Variants in METTL2A observed in about 807,000 individuals in gnomAD.
METTL2A encodes the protein methyltransferase 2A, tRNA N3-cytidine.
A neutral mutation model predicts 49.4 loss-of-function variants in METTL2A; 45 were observed. The ratio of observed to expected loss-of-function variants is 0.91; its 90% CI spans 0.72 to 1.17. The LOEUF is 1.17. METTL2A is among the 50% of genes most tolerant of loss of function. The pLI is 0.00. For missense variants in METTL2A, 361 were observed against 462.2 expected (o/e 0.78, Z 2.01); for synonymous variants, 118 against 167.5 (o/e 0.70, Z 2.28).
intron 7 of METTL2A, among the ~76,000 whole-genome samples, chr17:62,447,231 C>T (rs1455475898): frequency 2.6e-5 from 4 of 152,110 alleles, no homozygotes; most frequent in African/African-American, 4.8e-5. Flanking sequence ...CCAGCCTGGC[C>T]AACATGGTGA....
At chr17:62,440,077 G>A (rs1384170781) in intron 5 of METTL2A, among the ~76,000 whole-genome samples, 1 of 150,514 alleles carries the variant, frequency 6.6e-6, no homozygotes, top group African/African-American at 2.5e-5. Flanking sequence ...CCAGGCTGGA[G>A]TGCAATGGTG....
intron 8 of METTL2A, 147 bp from the exon 9 acceptor site, chr17:62,448,428 C>T: frequency 6.9e-7 from 1 of 1,454,384 alleles, no homozygotes; most frequent in Non-Finnish European, 9.1e-7. Context: ...CTTACTGTTA[C>T]CAAGCCACCA....
rs2070807390 is a variant in METTL2A at position 62,451,800 on chromosome 17, G to C, written c.*3071G>C. 6.6e-6 allele frequency among the ~76,000 whole-genome samples: 1 copy of C among 151,474 alleles called. No homozygotes were observed. Among genetic ancestry groups the C allele is most frequent in the Admixed American group, 6.6e-5 (1 of 15,136 alleles). On this transcript the variant is annotated 3_prime_UTR_variant, in exon 9 of 9. Coordinates refer to ENST00000311506, the MANE Select transcript of METTL2A (RefSeq NM_181725.4). ...ATCCACTTGGAAGGCTGAGGCAGGA[G>C]AATCACTTGAATCTGGGAGGCGGAG...
Position 62,452,698 on chromosome 17 carries a change from C to T in METTL2A, c.*3969C>T, listed in dbSNP as rs1451623963. Among the ~76,000 whole-genome samples the T allele has an allele frequency of 1.3e-5, 2 of 152,182 alleles. No individual in the cohort carries two copies. The highest frequency in any genetic ancestry group is 6.5e-5 in the Admixed American group (1 of 15,268). On this transcript the variant is annotated 3_prime_UTR_variant, in exon 9 of 9. Coordinates refer to ENST00000311506, the MANE Select transcript of METTL2A (RefSeq NM_181725.4). ...GCACGATCACTGCTCACTGCAGCCT[C>T]GACCTCCCAGGCTCAGGTGATTCTC... is the stretch of plus-strand genomic sequence containing the variant.
At position 62,452,631 on chromosome 17, in the gene METTL2A, T is replaced by C. The variant is rs1485018211; in HGVS notation, c.*3902T>C. Among the ~76,000 whole-genome samples the C allele has an allele frequency of 2.0e-5, 3 of 152,106 alleles. No homozygotes were observed. Among genetic ancestry groups the C allele is most frequent in the South Asian group, 2.1e-4 (1 of 4,824 alleles). ...TTTGAGTTTCTTGTGGGGTTATTTG[T>C]TGTTGTTTTTGAGACAGGCTCACCC... On this transcript the variant is annotated 3_prime_UTR_variant, in exon 9 of 9. Transcript: ENST00000311506.
chr17:62,444,763 G>A (rs2070757648), intron 6 of METTL2A, 74 bp from the exon 7 acceptor site: 1 of 1,468,690 alleles, frequency 6.8e-7, no homozygotes, highest in Admixed American at 1.8e-5. Context: ...CTGGCTTTTT[G>A]GGATATGCTA....
rs145581645 is a variant in METTL2A at position 62,444,116 on chromosome 17, C to T, written c.810-721C>T. Among the ~76,000 whole-genome samples, 238 of 152,256 alleles carry T rather than the reference C, an allele frequency of 1.6e-3. 2 individuals are homozygous for T. The highest frequency in any genetic ancestry group is 2.9e-3 in the Non-Finnish European group (200 of 68,026). ...ATTTAACAAACAGAAAGATACAGCCCCTACATTGAAAGAGCTCAGGTCTAA... is the reference window on the plus strand; with the variant it reads ...ATTTAACAAACAGAAAGATACAGCCTCTACATTGAAAGAGCTCAGGTCTAA... On this transcript the variant is annotated intron_variant, in intron 6 of 8. Coordinates refer to ENST00000311506, the MANE Select transcript of METTL2A (RefSeq NM_181725.4).
rs1132661 is a variant in METTL2A, at chr17:62,448,848, G to A, written c.*119G>A. The A allele has an allele frequency of 1.0e-5, 15 of 1,483,938 alleles. No individual in the cohort carries two copies. The highest frequency in any genetic ancestry group is 2.8e-5 in the African/African-American group (2 of 71,252). 91.9% of individuals were successfully genotyped at this position (1,483,938 alleles called of 1,614,324 possible). ...TCCCAGCCACTCAGGAGGCTGAGGC[G>A]GGGAGGATCCATTGAGCCCAGCAGT... On this transcript the variant is annotated 3_prime_UTR_variant, in exon 9 of 9. Coordinates refer to ENST00000311506, the MANE Select transcript of METTL2A (RefSeq NM_181725.4).
chr17:62,424,077 C>G lies in METTL2A; in HGVS notation c.110+65C>G, dbSNP rs1272679489. 25 of 1,590,810 alleles carry G rather than the reference C, an allele frequency of 1.6e-5. No individual in the cohort carries two copies. In the Admixed American group the frequency reaches 2.9e-4, roughly 19 times the overall value. ...TCTGTCCCGCCGCCTCGGAGCACTC[C>G]GAAAAGCCCCTGACCGCCGGCCACG... is the stretch of plus-strand genomic sequence containing the variant. On this transcript the variant is annotated intron_variant, in intron 1 of 8. Transcript: ENST00000311506.
intron 4 of METTL2A, among the ~76,000 whole-genome samples, chr17:62,428,856 A>G (rs2144137136): frequency 6.6e-6 from 1 of 152,306 alleles, no homozygotes; most frequent in East Asian, 1.9e-4. Flanking sequence ...CGCCCATAGC[A>G]CACTGCAGGC....
chr17:62,432,233 G>A, intron 4 of METTL2A, among the ~76,000 whole-genome samples: 1 of 152,154 alleles, frequency 6.6e-6, no homozygotes, highest in Non-Finnish European at 1.5e-5. Flanking sequence ...AGTATATGAA[G>A]TAAAATAGAG....
chr17:62,444,354 A>C (rs1289782510), intron 6 of METTL2A, among the ~76,000 whole-genome samples: 1 of 152,212 alleles, frequency 6.6e-6, no homozygotes, highest in Non-Finnish European at 1.5e-5. Flanking sequence ...ATCTTGGCTC[A>C]CTGCAACCTC....
Position 62,452,901 on chromosome 17 carries a change from C to T in METTL2A, c.*4172C>T, listed in dbSNP as rs2070813078. ...CTGGGATGAGCCACTGCGACTGGCC[C>T]CACTTAATGGGTTTTCAGAGGTGGG... On this transcript the variant is annotated 3_prime_UTR_variant, in exon 9 of 9. Coordinates refer to ENST00000311506, the MANE Select transcript of METTL2A (RefSeq NM_181725.4). Among the ~76,000 whole-genome samples, 3 of 152,156 alleles carry T rather than the reference C, an allele frequency of 2.0e-5. No homozygotes were observed.
intron 4 of METTL2A, among the ~76,000 whole-genome samples, chr17:62,429,843 G>A (rs2070652924): frequency 4.0e-5 from 6 of 151,868 alleles, no homozygotes; most frequent in Admixed American, 3.3e-4. Context: ...GCTAATTTTT[G>A]TATTTTTAGT....
chr17:62,439,550 C>T (rs1280845560), intron 5 of METTL2A, among the ~76,000 whole-genome samples: 8 of 152,152 alleles, frequency 5.3e-5, no homozygotes, highest in Non-Finnish European at 1.0e-4. Flanking sequence ...TCTCCTGCCT[C>T]AGCCTCCCGA....
At position 62,432,411 on chromosome 17, in the gene METTL2A, A is replaced by G. The variant is rs2070671550; in HGVS notation, c.609-2821A>G. The stretch of plus-strand genomic sequence containing the variant: ...AGGCCAGGCGCAGTGGCCCATGCCT[A>G]TAATCCCAGCACTTTGGAAGGCCAA... On this transcript the variant is annotated intron_variant, in intron 4 of 8. Transcript: ENST00000311506. 2.0e-5 allele frequency among the ~76,000 whole-genome samples: 3 copies of G among 152,220 alleles called. No homozygotes were observed. The South Asian group carries it at 6.2e-4, about 32-fold the overall frequency.
intron 4 of METTL2A, among the ~76,000 whole-genome samples, chr17:62,433,764 A>G (rs898630307): frequency 1.8e-4 from 27 of 151,200 alleles, no homozygotes; most frequent in African/African-American, 6.3e-4. Context: ...AAAGAAAAAC[A>G]TAAGAAAACA....
In METTL2A at chr17:62,452,721, C is replaced by G. The variant is rs1395660299; in HGVS notation, c.*3992C>G. Among the ~76,000 whole-genome samples the G allele has an allele frequency of 6.6e-6, 1 of 152,164 alleles. No individual in the cohort carries two copies. Among genetic ancestry groups the G allele is most frequent in the African/African-American group, 2.4e-5 (1 of 41,448 alleles). On this transcript the variant is annotated 3_prime_UTR_variant, in exon 9 of 9. Coordinates refer to ENST00000311506, the MANE Select transcript of METTL2A (RefSeq NM_181725.4). The stretch of plus-strand genomic sequence containing the variant: ...CTCGACCTCCCAGGCTCAGGTGATT[C>G]TCCCACCCCAGCCTCCCAAGTAGAT...
At chr17:62,444,163 C>T (rs112204994) in intron 6 of METTL2A, among the ~76,000 whole-genome samples, 3,004 of 152,324 alleles carry the variant, frequency 0.02, 122 homozygotes, top group African/African-American at 0.068. Context: ...GATAAGTCAC[C>T]TAGCAGAACC....
Sources: gnomAD v4.1 joint callset for allele counts (sites outside exome capture counted in the v4.1 genomes callset) on GRCh38, gnomAD v4.1.1 for gene constraint, MANE v1.5 for transcripts, NCBI Gene and HGNC (gene_info 2026-07-23, HGNC 2026-07-21) for gene names.